The following NKAIN2 variants were observed in gnomAD, a reference collection of about 807,000 sequenced individuals.
The protein encoded by NKAIN2 is sodium/potassium transporting ATPase interacting 2.
Under a neutral mutation model 32.6 loss-of-function variants are expected in NKAIN2, and 14 were observed. The ratio of observed to expected loss-of-function variants is 0.43; its 90% CI spans 0.28 to 0.67. The LOEUF is 0.67. Among genes scored for constraint, NKAIN2 ranks in the 30% least tolerant of loss-of-function variants. The pLI is 0.17. For missense variants in NKAIN2, 198 were observed against 258.3 expected (o/e 0.77, Z 1.60); for synonymous variants, 80 against 87.2 (o/e 0.92, Z 0.46).
chr6:124,738,304 C>G (rs1273359165), intron 4 of NKAIN2, among the ~76,000 whole-genome samples: 1 of 151,666 alleles, frequency 6.6e-6, no homozygotes, highest in Non-Finnish European at 1.5e-5. Flanking sequence ...GAACATAGTT[C>G]TATTCCTTAG....
chr6:124,102,023 G>C (rs1343103801), intron 1 of NKAIN2, among the ~76,000 whole-genome samples: 2 of 152,212 alleles, frequency 1.3e-5, no homozygotes, highest in Non-Finnish European at 2.9e-5. Flanking sequence ...ACTCACGCAG[G>C]TGGCAAGACC....
intron 1 of NKAIN2, among the ~76,000 whole-genome samples, chr6:123,928,632 A>G (rs1235871464): frequency 6.6e-6 from 1 of 152,168 alleles, no homozygotes; most frequent in African/African-American, 2.4e-5. Context: ...ATGCCTCTTT[A>G]AAGATCTAAG....
intron 4 of NKAIN2, among the ~76,000 whole-genome samples, chr6:124,690,552 T>A (rs1211601676): frequency 6.6e-6 from 1 of 152,198 alleles, no homozygotes; most frequent in Non-Finnish European, 1.5e-5. Flanking sequence ...TTAAATATGA[T>A]GTAGCTTTTT....
At chr6:124,183,916 G>A (rs1398666441) in intron 1 of NKAIN2, among the ~76,000 whole-genome samples, 2 of 152,182 alleles carry the variant, frequency 1.3e-5, no homozygotes, top group South Asian at 2.1e-4. Context: ...TACAGAAATA[G>A]TGATGAATAG....
At chr6:124,573,092 G>A (rs1323238963) in intron 3 of NKAIN2, among the ~76,000 whole-genome samples, 5 of 151,848 alleles carry the variant, frequency 3.3e-5, no homozygotes, top group Admixed American at 6.6e-5. Context: ...CGCCCACCCC[G>A]GCCTCCCAAA....
At chr6:124,033,388 A>C (rs1042009566) in intron 1 of NKAIN2, among the ~76,000 whole-genome samples, 1 of 152,126 alleles carries the variant, frequency 6.6e-6, no homozygotes, top group East Asian at 1.9e-4. Context: ...CACTTAAAAG[A>C]TATTATTTAA....
chr6:124,637,749 A>G (rs1307076283), intron 3 of NKAIN2, among the ~76,000 whole-genome samples: 1 of 152,132 alleles, frequency 6.6e-6, no homozygotes. Context: ...ACACCGATTT[A>G]AAAAATTAAA....
At chr6:124,413,219 C>T (rs1774296648) in intron 3 of NKAIN2, among the ~76,000 whole-genome samples, 2 of 152,136 alleles carry the variant, frequency 1.3e-5, no homozygotes, top group Non-Finnish European at 2.9e-5. Flanking sequence ...GAGATGAACC[C>T]AGTACCTCAG....
chr6:123,912,694 T>C (rs1775278789), intron 1 of NKAIN2, among the ~76,000 whole-genome samples: 1 of 152,188 alleles, frequency 6.6e-6, no homozygotes, highest in African/African-American at 2.4e-5. Flanking sequence ...CTGCTGTTAG[T>C]GGAAGCTTAG....
intron 3 of NKAIN2, among the ~76,000 whole-genome samples, chr6:124,599,631 G>A (rs920846579): frequency 1.3e-5 from 2 of 152,106 alleles, no homozygotes; most frequent in Non-Finnish European, 2.9e-5. Flanking sequence ...CTAGAAATAA[G>A]AAAAGTTAGA....
chr6:124,189,491 G>A (rs1193133467), intron 1 of NKAIN2, among the ~76,000 whole-genome samples: 1 of 152,044 alleles, frequency 6.6e-6, no homozygotes, highest in Non-Finnish European at 1.5e-5. Flanking sequence ...ACGAGGTCAG[G>A]AGTTCGAGAC....
chr6:123,973,101 G>C (rs1218065006), intron 1 of NKAIN2, among the ~76,000 whole-genome samples: 2 of 152,036 alleles, frequency 1.3e-5, no homozygotes, highest in African/African-American at 4.8e-5. Flanking sequence ...GAAAATTTGG[G>C]TTTCATCTCT....
intron 1 of NKAIN2, among the ~76,000 whole-genome samples, chr6:123,870,830 T>A (rs941608028): frequency 6.6e-6 from 1 of 152,126 alleles, no homozygotes; most frequent in East Asian, 1.9e-4. Context: ...AGGAGAAAAA[T>A]TGCTCAAGCT....
chr6:124,284,433 T>A (rs1316474071), intron 2 of NKAIN2, among the ~76,000 whole-genome samples: 1 of 152,168 alleles, frequency 6.6e-6, no homozygotes, highest in Non-Finnish European at 1.5e-5. Flanking sequence ...ATGAAAGTAG[T>A]CATTACATTA....
rs568654193 is a variant in NKAIN2 at position 124,256,885 on chromosome 6, G to GTTTTTTT, written c.55-26102_55-26096dup. On this transcript the variant is annotated intron_variant, in intron 1 of 6. Transcript: ENST00000368417. ...ACAATGTTTCAATTAGCTTTCTGTT[G>GTTTTTTT]TTTTTTTTTTTTTTTTTTTTTTTTG... Among the ~76,000 whole-genome samples the GTTTTTTT allele has an allele frequency of 5.1e-4, 39 of 75,910 alleles. 1 individual carries two copies. The highest frequency in any genetic ancestry group is 1.4e-3 in the African/African-American group (30 of 20,824). 49.8% of individuals were successfully genotyped at this position (75,910 alleles called of 152,430 possible). A position where few individuals can be genotyped will look rare whatever the true frequency, so the allele number is the denominator to read the frequency against.
intron 1 of NKAIN2, among the ~76,000 whole-genome samples, chr6:124,111,825 T>C (rs1749184230): frequency 6.6e-6 from 1 of 151,966 alleles, no homozygotes; most frequent in African/African-American, 2.4e-5. Flanking sequence ...GTTCTTGTTG[T>C]TTTGTGTAAA....
chr6:124,677,188 C>T (rs567782437), intron 4 of NKAIN2, among the ~76,000 whole-genome samples: 15 of 152,238 alleles, frequency 9.9e-5, no homozygotes, highest in East Asian at 3.9e-4. Context: ...AGGCTGGTCT[C>T]GAACTCCTGA....
At chr6:124,609,619 A>ACCTCCTCCCCTGCCTCTCC in intron 3 of NKAIN2, among the ~76,000 whole-genome samples, 1 of 150,952 alleles carries the variant, frequency 6.6e-6, no homozygotes, top group Non-Finnish European at 1.5e-5. Flanking sequence ...CCTGCCTCTC[A>ACCTCCTCCCCTGCCTCTCC]CCTCCTCCCC....
intron 1 of NKAIN2, among the ~76,000 whole-genome samples, chr6:123,877,579 G>A (rs1773226235): frequency 6.6e-6 from 1 of 152,176 alleles, no homozygotes. Flanking sequence ...TGCACTCTAG[G>A]TAATGATGGA....
Sources: gnomAD v4.1 joint callset for allele counts (sites outside exome capture counted in the v4.1 genomes callset) on GRCh38, gnomAD v4.1.1 for gene constraint, MANE v1.5 for transcripts, NCBI Gene and HGNC (gene_info 2026-07-23, HGNC 2026-07-21) for gene names.